The following SLC25A21 variants were observed in gnomAD, a reference collection of about 807,000 sequenced individuals.
The protein encoded by SLC25A21 is solute carrier family 25 member 21, also known as mitochondrial 2-oxodicarboxylate carrier.
A neutral mutation model predicts 43.8 loss-of-function variants in SLC25A21; 47 were observed. The observed-to-expected ratio is 1.07, with a 90% CI of 0.85 to 1.37. The LOEUF is 1.37. Ranked by LOEUF, SLC25A21 falls within the 40% of genes most tolerant of loss-of-function variation. The pLI is 0.00. For synonymous variants in SLC25A21, 131 were observed against 121.3 expected (o/e 1.08, Z -0.52); for missense variants, 352 against 350.2 (o/e 1.00, Z -0.04).
At chr14:36,805,579 G>C (rs1275568128) in intron 3 of SLC25A21, among the ~76,000 whole-genome samples, 1 of 152,174 alleles carries the variant, frequency 6.6e-6, no homozygotes, top group African/African-American at 2.4e-5. Flanking sequence ...CAGTGGTACA[G>C]AATAATCTGG....
chr14:37,090,911 C>T (rs1451608771), intron 1 of SLC25A21, among the ~76,000 whole-genome samples: 2 of 152,132 alleles, frequency 1.3e-5, no homozygotes, highest in Non-Finnish European at 2.9e-5. Flanking sequence ...ACCCACTGCT[C>T]CTAGGGAAAA....
chr14:37,047,826 C>T (rs1361733337), intron 1 of SLC25A21, among the ~76,000 whole-genome samples: 2 of 152,098 alleles, frequency 1.3e-5, no homozygotes, highest in African/African-American at 4.8e-5. Context: ...AATGTATCAC[C>T]CACTCCATGC....
rs766751597 is a variant in SLC25A21, at chr14:36,710,421, AAAG to A, written c.603+894_603+896del. Among the ~76,000 whole-genome samples the A allele has an allele frequency of 7.3e-4, 111 of 151,918 alleles. 1 individual carries two copies. Among genetic ancestry groups the A allele is most frequent in the Admixed American group, 5.2e-3 (80 of 15,256 alleles). On this transcript the variant is annotated intron_variant, in intron 7 of 9. Coordinates refer to ENST00000331299, the MANE Select transcript of SLC25A21 (RefSeq NM_030631.4). ...AGAAAAAAAAGGAAACGGGGAAAAA[AAAG>A]AAAGAAAGAAAGAAAGAAAAAGAAA...
intron 1 of SLC25A21, among the ~76,000 whole-genome samples, chr14:37,038,692 T>C (rs1350928933): frequency 1.3e-5 from 2 of 152,158 alleles, no homozygotes; most frequent in Non-Finnish European, 2.9e-5. Context: ...GCCCTAAAAT[T>C]ATGCTGCATT....
intron 1 of SLC25A21, among the ~76,000 whole-genome samples, chr14:36,930,190 C>T (rs907883720): frequency 4.6e-5 from 7 of 152,024 alleles, no homozygotes; most frequent in Non-Finnish European, 1.0e-4. Flanking sequence ...GCCTATTAAC[C>T]CCAGAACTAG....
intron 2 of SLC25A21, among the ~76,000 whole-genome samples, chr14:36,819,344 G>A (rs1475567120): frequency 1.2e-5 from 1 of 82,924 alleles, no homozygotes; most frequent in Non-Finnish European, 2.7e-5. Context: ...AAATGTACAA[G>A]CATATTTTTT....
intron 1 of SLC25A21, among the ~76,000 whole-genome samples, chr14:37,064,139 GA>G (rs1466903210): frequency 6.6e-6 from 1 of 152,108 alleles, no homozygotes; most frequent in Non-Finnish European, 1.5e-5. Context: ...AAAAGACAGA[GA>G]AGACAAATTA....
chr14:36,913,442 AT>A (rs923460308), intron 1 of SLC25A21, among the ~76,000 whole-genome samples: 1 of 152,008 alleles, frequency 6.6e-6, no homozygotes, highest in Admixed American at 6.6e-5. Flanking sequence ...CACCCAGCTG[AT>A]TTTTGACTTT....
intron 1 of SLC25A21, among the ~76,000 whole-genome samples, chr14:37,032,224 G>A (rs1259300888): frequency 1.3e-5 from 2 of 152,088 alleles, no homozygotes; most frequent in Non-Finnish European, 2.9e-5. Flanking sequence ...CCTAAAATAA[G>A]TGCTTAGGCC....
intron 3 of SLC25A21, among the ~76,000 whole-genome samples, chr14:36,776,532 G>A (rs1886842127): frequency 6.6e-6 from 1 of 151,816 alleles, no homozygotes; most frequent in African/African-American, 2.4e-5. Context: ...GTGAGCCACC[G>A]CGCCCGGCCC....
intron 3 of SLC25A21, among the ~76,000 whole-genome samples, chr14:36,754,483 G>A (rs962540333): frequency 2.0e-5 from 3 of 152,154 alleles, no homozygotes; most frequent in Admixed American, 6.5e-5. Flanking sequence ...TTCGATGAGA[G>A]TTGCTTAACA....
At chr14:37,119,918 T>C (rs1052951771) in intron 1 of SLC25A21, among the ~76,000 whole-genome samples, 3 of 152,078 alleles carry the variant, frequency 2.0e-5, no homozygotes, top group Admixed American at 6.6e-5. Context: ...GTGAAAATGA[T>C]ATGATATGAT....
At chr14:37,076,386 T>A (rs554104914) in intron 1 of SLC25A21, among the ~76,000 whole-genome samples, 3 of 152,232 alleles carry the variant, frequency 2.0e-5, no homozygotes, top group African/African-American at 7.2e-5. Context: ...TTGCCCAGGC[T>A]GGTCTTGAAC....
At chr14:36,958,968 C>G (rs1472806885) in intron 1 of SLC25A21, among the ~76,000 whole-genome samples, 1 of 152,154 alleles carries the variant, frequency 6.6e-6, no homozygotes, top group Non-Finnish European at 1.5e-5. Flanking sequence ...CTCACGAGCT[C>G]CTAGCCTTCT....
chr14:37,163,874 G>T (rs567438102), intron 1 of SLC25A21, among the ~76,000 whole-genome samples: 1 of 152,116 alleles, frequency 6.6e-6, no homozygotes, highest in Non-Finnish European at 1.5e-5. Context: ...TCTGTCTTCA[G>T]AGTAGGAACC....
At position 36,773,819 on chromosome 14, in the gene SLC25A21, C is replaced by T. The variant is rs183931539; in HGVS notation, c.204-39246G>A. Among the ~76,000 whole-genome samples, 161 of 152,304 alleles carry T rather than the reference C, an allele frequency of 1.1e-3. 2 individuals carry two copies. Among genetic ancestry groups the T allele is most frequent in the East Asian group, 3.1e-3 (16 of 5,176 alleles). On this transcript the variant is annotated intron_variant, in intron 3 of 9. Transcript: ENST00000331299. ...GGTCTCTATGACTCCAAAGCACATG[C>T]TCTTGCCCATTACATCATCCATTAT...
intron 1 of SLC25A21, among the ~76,000 whole-genome samples, chr14:37,167,329 T>C (rs986284126): frequency 4.6e-5 from 7 of 152,166 alleles, no homozygotes; most frequent in African/African-American, 1.7e-4. Flanking sequence ...ATCAATGACT[T>C]GGGGCCCTTC....
chr14:36,732,739 G>A (rs935263177), intron 4 of SLC25A21, among the ~76,000 whole-genome samples: 1 of 152,032 alleles, frequency 6.6e-6, no homozygotes, highest in Admixed American at 6.6e-5. Flanking sequence ...TTAAAATCAG[G>A]TGATTGCTTT....
At chr14:37,096,069 CAAA>C (rs1184875158) in intron 1 of SLC25A21, among the ~76,000 whole-genome samples, 1 of 151,946 alleles carries the variant, frequency 6.6e-6, no homozygotes, top group Admixed American at 6.6e-5. Flanking sequence ...TAAATAATAA[CAAA>C]AGAGTGAAGA....
Sources: allele counts gnomAD v4.1 joint callset (sites outside exome capture counted in the v4.1 genomes callset), GRCh38; gene constraint gnomAD v4.1.1; transcripts MANE v1.5; gene names NCBI Gene and HGNC (gene_info 2026-07-23, HGNC 2026-07-21).